The following RAI1 variants were observed in gnomAD, a reference collection of about 807,000 sequenced individuals.
RAI1 encodes the protein retinoic acid induced 1.
RAI1 carries 9 observed loss-of-function variants against 123.8 expected under a neutral mutation model. The observed-to-expected ratio is 0.07, with a 90% CI of 0.04 to 0.13. The LOEUF (loss-of-function observed/expected upper bound fraction) is 0.13. RAI1 is among the 10% of genes least tolerant of loss of function. RAI1 has a pLI of 1.00. For synonymous variants in RAI1, 1,231 were observed against 1,127.3 expected (o/e 1.09, Z -1.84); for missense variants, 2,256 against 2,545.8 (o/e 0.89, Z 2.45).
chr17:17,756,728 CCT>C (rs1302001033), intron 2 of RAI1, among the ~76,000 whole-genome samples: 10 of 152,174 alleles, frequency 6.6e-5, no homozygotes, highest in Non-Finnish European at 1.5e-4. Context: ...GACCAAAAAT[CCT>C]CTTAGTGAAG....
At chr17:17,684,207 T>G (rs4496218) in intron 1 of RAI1, 78,611 of 151,970 alleles carry the variant, frequency 0.52, 21,499 homozygotes, top group African/African-American at 0.65. Flanking sequence ...CTAGACCAAT[T>G]GCTTTCAAAT....
rs2032405966 is a variant in RAI1 at position 17,800,180 on chromosome 17, G to GTCTCTCTGTCTCTC, written c.5565+1674_5565+1675insGTCTCTCTCTCTCT. 1.7e-5 allele frequency among the ~76,000 whole-genome samples: 2 copies of GTCTCTCTGTCTCTC among 116,318 alleles called. No homozygotes were observed. The highest frequency in any genetic ancestry group is 6.0e-5 in the African/African-American group (2 of 33,338). 76.3% of individuals were successfully genotyped at this position (116,318 alleles called of 152,430 possible). A position where few individuals can be genotyped will look rare whatever the true frequency, so the allele number is the denominator to read the frequency against. On this transcript the variant is annotated intron_variant, in intron 3 of 5. Transcript: ENST00000353383. This position sits in a 1 kb window ranked among gnomAD's most constrained non-coding sequence, Gnocchi z 4.7. ...TCTCTCCTGCTTTCTGTCTCTCTCT[G>GTCTCTCTGTCTCTC]TCTCTCTCTCTCTCTCTCTCTCTCT... is the stretch of plus-strand genomic sequence containing the variant.
chr17:17,740,236 C>T (rs1483238601), intron 2 of RAI1, among the ~76,000 whole-genome samples: 2 of 152,162 alleles, frequency 1.3e-5, no homozygotes, highest in Non-Finnish European at 2.9e-5. Context: ...TCCTGCCTGC[C>T]CCAAGCTGTG....
intron 2 of RAI1, among the ~76,000 whole-genome samples, chr17:17,788,878 T>C (rs2031921609): frequency 6.6e-6 from 1 of 152,192 alleles, no homozygotes; most frequent in Non-Finnish European, 1.5e-5. Flanking sequence ...GCCTCAAGCC[T>C]GGGGTCTGAG....
At chr17:17,725,103 G>A (rs1916039070) in intron 2 of RAI1, among the ~76,000 whole-genome samples, 1 of 150,262 alleles carries the variant, frequency 6.7e-6, no homozygotes, top group Non-Finnish European at 1.5e-5. Context: ...TAGAGACGTC[G>A]ACCTGGGATG....
At chr17:17,699,314 C>T (rs1275866817) in intron 1 of RAI1, among the ~76,000 whole-genome samples, 1 of 152,234 alleles carries the variant, frequency 6.6e-6, no homozygotes, top group Non-Finnish European at 1.5e-5. Context: ...ACGCCTGGAG[C>T]CAAGCACAGC....
chr17:17,696,629 G>A (rs1330311521), intron 1 of RAI1, among the ~76,000 whole-genome samples: 1 of 152,190 alleles, frequency 6.6e-6, no homozygotes, highest in Non-Finnish European at 1.5e-5. Context: ...CTCCCTACCT[G>A]TAGCCCCCCG....
chr17:17,704,877 G>A (rs1407309100), intron 1 of RAI1, among the ~76,000 whole-genome samples: 1 of 148,972 alleles, frequency 6.7e-6, no homozygotes, highest in Non-Finnish European at 1.5e-5. Flanking sequence ...GGGGGCCGGG[G>A]GAGGGTCATG....
intron 2 of RAI1, among the ~76,000 whole-genome samples, chr17:17,792,642 G>T (rs1234964764): frequency 1.3e-5 from 2 of 152,062 alleles, no homozygotes; most frequent in African/African-American, 4.8e-5. Context: ...TCCCGCATCA[G>T]TGGCCGTCCT....
chr17:17,702,350 C>G (rs1915249047), intron 1 of RAI1, among the ~76,000 whole-genome samples: 1 of 152,212 alleles, frequency 6.6e-6, no homozygotes, highest in African/African-American at 2.4e-5. Flanking sequence ...CCACCTCATC[C>G]CAGGATGCAG....
At position 17,718,026 on chromosome 17, in the gene RAI1, G is replaced by A. The variant is rs982864591; in HGVS notation, c.-148-6002G>A. 8.5e-5 allele frequency among the ~76,000 whole-genome samples: 13 copies of A among 152,300 alleles called. No individual in the cohort carries two copies. The East Asian group carries it at 1.2e-3, about 14-fold the overall frequency. ...CTACAGACAGAAAAGATCAAAGGTC[G>A]TTCAGATCAAAAGCAGGCAGAAGAC... On this transcript the variant is annotated intron_variant, in intron 1 of 5. Coordinates refer to ENST00000353383, the MANE Select transcript of RAI1 (RefSeq NM_030665.4).
At chr17:17,684,704 A>ATATATG (rs1258508625) in intron 1 of RAI1, 1,526 of 118,704 alleles carry the variant, frequency 0.013, 19 homozygotes, top group East Asian at 0.064. Flanking sequence ...ATATATATAT[A>ATATATG]TATGTATGTA....
intron 2 of RAI1, among the ~76,000 whole-genome samples, chr17:17,731,721 G>T (rs1355881678): frequency 4.6e-5 from 7 of 152,114 alleles, no homozygotes; most frequent in African/African-American, 1.4e-4. Context: ...GAGCTGCTGT[G>T]CAGGCCTAGA....
rs1208489645 is a variant in RAI1 at position 17,794,766 on chromosome 17, C to T, written c.1818C>T (p.Asp606=). 1 of 1,612,874 alleles carries T rather than the reference C, an allele frequency of 6.2e-7. No homozygotes were observed. Among genetic ancestry groups the T allele is most frequent in the African/African-American group, 1.3e-5 (1 of 74,952 alleles). ...RLLLSALAQE[D]LASEILGLQE... is the part of the protein sequence containing the mutation. ...TGCTCAGCGCCCTGGCACAGGAGGA[C>T]CTGGCCTCCGAGATCCTGGGGCTGC... Residue 606 remains aspartate, a synonymous_variant, in exon 3 of 6, where the codon GAC becomes GAT. Transcript: ENST00000353383.
chr17:17,775,507 T>C (rs908128554), intron 2 of RAI1, among the ~76,000 whole-genome samples: 2 of 151,356 alleles, frequency 1.3e-5, no homozygotes, highest in African/African-American at 4.9e-5. Context: ...CCTGGCCTCA[T>C]GTGTAACTTT....
chr17:17,685,737 A>T lies in RAI1; in HGVS notation c.-149+3944A>T, dbSNP rs1236856538. On this transcript the variant is annotated intron_variant, in intron 1 of 5. Coordinates refer to ENST00000353383, the MANE Select transcript of RAI1 (RefSeq NM_030665.4). This position sits in a 1 kb window ranked among gnomAD's most constrained non-coding sequence, Gnocchi z 4.0. The stretch of plus-strand genomic sequence containing the variant: ...CAGTGGCTCCTGCTGCCTTATGAAT[A>T]AAGGTCCCATCTGTAGTTCTTCCCA... Among the ~76,000 whole-genome samples, 1 of 152,136 alleles carries T rather than the reference A, an allele frequency of 6.6e-6. No homozygotes were observed. Among genetic ancestry groups the T allele is most frequent in the African/African-American group, 2.4e-5 (1 of 41,426 alleles).
chr17:17,779,022 C>A, intron 2 of RAI1: 1 of 398,238 alleles, frequency 2.5e-6, no homozygotes, highest in South Asian at 1.8e-5. Context: ...TTCAAAACAG[C>A]TGGACGCCAG....
intron 2 of RAI1, among the ~76,000 whole-genome samples, chr17:17,766,593 A>G (rs1005211407): frequency 1.3e-5 from 2 of 152,116 alleles, no homozygotes; most frequent in African/African-American, 4.8e-5. Context: ...ACCCAGCCCC[A>G]CCTCCAAGGC....
chr17:17,705,464 T>C (rs943222103), intron 1 of RAI1, among the ~76,000 whole-genome samples: 2 of 151,966 alleles, frequency 1.3e-5, no homozygotes, highest in Non-Finnish European at 2.9e-5. Flanking sequence ...AAACCCCATC[T>C]CTACTAAAAA....
Sources: allele counts gnomAD v4.1 joint callset (sites outside exome capture counted in the v4.1 genomes callset), GRCh38; gene constraint gnomAD v4.1.1; non-coding constraint Gnocchi (gnomAD v3.1); transcripts MANE v1.5; gene names NCBI Gene and HGNC (gene_info 2026-07-23, HGNC 2026-07-21).